Variants in MCHR2 observed in about 807,000 individuals in gnomAD.
The protein encoded by MCHR2 is melanin concentrating hormone receptor 2, also known as melanin-concentrating hormone receptor 2.
In MCHR2, 15 loss-of-function variants were observed where a neutral mutation model predicts 24.8. That is an observed-to-expected ratio of 0.60 (90% CI 0.40 to 0.93). The LOEUF is 0.93. Among genes scored for constraint, MCHR2 ranks in the 40% least tolerant of loss-of-function variants. MCHR2 has a pLI of 0.00. For missense variants in MCHR2, 386 were observed against 408.7 expected, an observed-to-expected ratio of 0.94 and a Z score of 0.48; for synonymous variants, 151 against 147.6, an observed-to-expected ratio of 1.02 and a Z score of -0.17.
At chr6:99,929,850 T>A (rs1774470987) in intron 5 of MCHR2, among the ~76,000 whole-genome samples, 1 of 149,650 alleles carries the variant, frequency 6.7e-6, no homozygotes, top group Admixed American at 6.8e-5. Context: ...TTAAAGTTAA[T>A]ATTGTTATGT....
intron 1 of MCHR2, among the ~76,000 whole-genome samples, chr6:99,992,650 G>C (rs898944701): frequency 4.3e-4 from 65 of 152,256 alleles, no homozygotes; most frequent in African/African-American, 1.5e-3. Context: ...CTGTACATTG[G>C]TGGTACTTTA....
chr6:99,937,712 G>A (rs904641237), intron 4 of MCHR2, among the ~76,000 whole-genome samples: 1 of 150,070 alleles, frequency 6.7e-6, no homozygotes, highest in Non-Finnish European at 1.5e-5. Context: ...GAGTAACGCT[G>A]GCTTTGTAGA....
intron 1 of MCHR2, among the ~76,000 whole-genome samples, chr6:99,990,189 G>C (rs966197855): frequency 1.1e-4 from 16 of 152,232 alleles, no homozygotes; most frequent in African/African-American, 3.9e-4. Flanking sequence ...TGAGATTTCA[G>C]TGTTTTGCAA....
chr6:99,949,909 A>G (rs1205977554), intron 2 of MCHR2, among the ~76,000 whole-genome samples: 2 of 92,836 alleles, frequency 2.2e-5, no homozygotes, highest in Non-Finnish European at 4.3e-5. Context: ...AGATAGAAAG[A>G]GCTCCAAACT....
intron 5 of MCHR2, among the ~76,000 whole-genome samples, chr6:99,928,136 C>A (rs1452454552): frequency 6.6e-6 from 1 of 152,040 alleles, no homozygotes; most frequent in Non-Finnish European, 1.5e-5. Context: ...TTGCGGATTA[C>A]CTTTATGGAT....
intron 3 of MCHR2, among the ~76,000 whole-genome samples, chr6:99,945,107 A>T (rs1193391913): frequency 6.6e-6 from 1 of 152,174 alleles, no homozygotes; most frequent in East Asian, 1.9e-4. Flanking sequence ...CTAGTGTATG[A>T]TCGCTATGTG....
At chr6:99,941,883 T>C (rs1774777750) in intron 4 of MCHR2, among the ~76,000 whole-genome samples, 1 of 152,184 alleles carries the variant, frequency 6.6e-6, no homozygotes. Context: ...TTGCAGGTCC[T>C]TTACCGCCAT....
At chr6:99,929,768 C>A (rs966719102) in intron 5 of MCHR2, among the ~76,000 whole-genome samples, 2 of 151,564 alleles carry the variant, frequency 1.3e-5, no homozygotes, top group African/African-American at 4.8e-5. Context: ...ATACAGCACA[C>A]TGATGCATCT....
intron 5 of MCHR2, among the ~76,000 whole-genome samples, chr6:99,930,224 G>A (rs1774484876): frequency 6.6e-6 from 1 of 152,080 alleles, no homozygotes; most frequent in Admixed American, 6.5e-5. Flanking sequence ...AGTCTGATGG[G>A]CTTCCCTTTG....
intron 5 of MCHR2, among the ~76,000 whole-genome samples, chr6:99,925,368 G>T (rs544437310): frequency 6.6e-6 from 1 of 151,872 alleles, no homozygotes; most frequent in Non-Finnish European, 1.5e-5. Flanking sequence ...TTTGTCTTTT[G>T]ATTGAAGAGT....
rs554319129 is a variant in MCHR2, at chr6:99,959,586, A to G, written c.-27-3412T>C. On this transcript the variant is annotated intron_variant, in intron 1 of 5. Coordinates refer to ENST00000281806, the MANE Select transcript of MCHR2 (RefSeq NM_001040179.2). ...TGACAAATAATTCAAAATAACCACC[A>G]TAAAGGTGATTGATAAACTCATTAA... 1.7e-3 allele frequency among the ~76,000 whole-genome samples: 183 copies of G among 108,364 alleles called. 1 individual carries two copies. Among genetic ancestry groups the G allele is most frequent in the Non-Finnish European group, 2.8e-3 (135 of 48,602 alleles). 71.1% of individuals were successfully genotyped at this position (108,364 alleles called of 152,430 possible). A position where few individuals can be genotyped will look rare whatever the true frequency, so the allele number is the denominator to read the frequency against.
chr6:99,952,437 C>A lies in MCHR2; in HGVS notation c.182+3529G>T, dbSNP rs199842801. On this transcript the variant is annotated intron_variant, in intron 2 of 5. Coordinates refer to ENST00000281806, the MANE Select transcript of MCHR2 (RefSeq NM_001040179.2). The stretch of plus-strand genomic sequence containing the variant: ...TAGTTCATTGCTTGCTTTCCAGCAT[C>A]ATTAATGATTTTATTGACTTTTAGT... Among the ~76,000 whole-genome samples the A allele has an allele frequency of 3.9e-5, 6 of 152,222 alleles. No homozygotes were observed. In the East Asian group the frequency reaches 9.7e-4, roughly 25 times the overall value.
intron 5 of MCHR2, among the ~76,000 whole-genome samples, chr6:99,933,617 G>T (rs906523895): frequency 6.7e-6 from 1 of 149,230 alleles, no homozygotes; most frequent in Non-Finnish European, 1.5e-5. Context: ...TTGAGGAATG[G>T]TGGTTAAGTT....
chr6:99,936,178 T>A (rs1774656824), intron 4 of MCHR2, among the ~76,000 whole-genome samples: 1 of 152,082 alleles, frequency 6.6e-6, no homozygotes, highest in African/African-American at 2.4e-5. Context: ...TTGTTTTCTT[T>A]GCTGTGCAGA....
chr6:99,959,413 C>A (rs1258504592), intron 1 of MCHR2, among the ~76,000 whole-genome samples: 1 of 151,682 alleles, frequency 6.6e-6, no homozygotes, highest in Non-Finnish European at 1.5e-5. Context: ...TCTACAAAGA[C>A]TGGGAGAGGT....
chr6:99,958,879 G>C (rs558367627), intron 1 of MCHR2, among the ~76,000 whole-genome samples: 3 of 152,126 alleles, frequency 2.0e-5, no homozygotes, highest in African/African-American at 7.2e-5. Flanking sequence ...CTTGGGGACA[G>C]GTTTTTGTCT....
intron 1 of MCHR2, among the ~76,000 whole-genome samples, chr6:99,963,721 A>G (rs1775241502): frequency 6.6e-6 from 1 of 152,150 alleles, no homozygotes; most frequent in African/African-American, 2.4e-5. Context: ...TTGAGAAATG[A>G]TGCAGAGTTT....
chr6:99,932,566 G>T (rs1774569324), intron 5 of MCHR2, among the ~76,000 whole-genome samples: 1 of 152,172 alleles, frequency 6.6e-6, no homozygotes, highest in Non-Finnish European at 1.5e-5. Context: ...CAACAGTGAT[G>T]TAACGTGGCT....
chr6:99,971,170 A>G (rs1334334093), intron 1 of MCHR2, among the ~76,000 whole-genome samples: 2 of 152,160 alleles, frequency 1.3e-5, no homozygotes, highest in African/African-American at 2.4e-5. Flanking sequence ...CCATTTTCAT[A>G]ATATTGATTC....
Sources: gnomAD v4.1 joint callset for allele counts (sites outside exome capture counted in the v4.1 genomes callset) on GRCh38, gnomAD v4.1.1 for gene constraint, MANE v1.5 for transcripts, NCBI Gene and HGNC (gene_info 2026-07-23, HGNC 2026-07-21) for gene names.